LIMA1: variants seen among roughly 807,000 people sequenced by gnomAD.
LIMA1 encodes LIM domain and actin binding 1, also known as LIM domain and actin-binding protein 1.
In LIMA1, 52 loss-of-function variants were observed where a neutral mutation model predicts 62.6. The observed-to-expected ratio is 0.83, with a 90% confidence interval of 0.67 to 1.05. LIMA1 has a LOEUF of 1.05. LIMA1 is among the 50% of genes least tolerant of loss of function. The pLI is 0.00. For synonymous variants in LIMA1, 302 were observed against 317.8 expected, an observed-to-expected ratio of 0.95 and a Z score of 0.53; for missense variants, 780 against 902.2, an observed-to-expected ratio of 0.86 and a Z score of 1.74.
At chr12:50,255,698 C>T (rs1188716048) in intron 1 of LIMA1, among the ~76,000 whole-genome samples, 1 of 147,602 alleles carries the variant, frequency 6.8e-6, no homozygotes. Flanking sequence ...TGAATGTCAT[C>T]AGGTAAAAGG....
chr12:50,185,372 G>A (rs1371164370), intron 9 of LIMA1: 1 of 456,214 alleles, frequency 2.2e-6, no homozygotes. Context: ...CTGTGAGAAA[G>A]CTGAAAGTTG....
At chr12:50,232,606 T>C (rs1406748890) in intron 2 of LIMA1, among the ~76,000 whole-genome samples, 1 of 152,196 alleles carries the variant, frequency 6.6e-6, no homozygotes, top group Admixed American at 6.5e-5. Flanking sequence ...TGAGTTTAAG[T>C]GATCTGCTGG....
intron 1 of LIMA1, among the ~76,000 whole-genome samples, chr12:50,277,224 T>G (rs535326406): frequency 6.6e-6 from 1 of 152,088 alleles, no homozygotes; most frequent in Non-Finnish European, 1.5e-5. Flanking sequence ...TCTTTTTTTT[T>G]CTTTTCTTCC....
At chr12:50,230,004 A>C (rs1941585977) in intron 3 of LIMA1, 1 of 152,430 alleles carries the variant, frequency 6.6e-6, no homozygotes, top group Non-Finnish European at 1.5e-5. Context: ...GTTCCACAGC[A>C]CTAATCACTA....
intron 1 of LIMA1, among the ~76,000 whole-genome samples, chr12:50,266,908 A>G (rs1396622167): frequency 6.6e-6 from 1 of 150,914 alleles, no homozygotes; most frequent in Non-Finnish European, 1.5e-5. Context: ...CTTTTTTTTT[A>G]TTCTGAGACA....
At chr12:50,193,994 TA>T (rs564174154) in intron 8 of LIMA1, among the ~76,000 whole-genome samples, 8,317 of 48,202 alleles carry the variant, frequency 0.17, 448 homozygotes, top group African/African-American at 0.32. Flanking sequence ...TATATATATA[TA>T]TATTTTTTTT....
intron 2 of LIMA1, among the ~76,000 whole-genome samples, chr12:50,237,662 A>C (rs888442710): frequency 6.6e-6 from 1 of 152,162 alleles, no homozygotes; most frequent in South Asian, 2.1e-4. Flanking sequence ...AAAGTGGTTA[A>C]AATGGTAAAT....
Position 50,177,386 on chromosome 12 carries a change from C to T in LIMA1, c.1958G>A (p.Trp653Ter), listed in dbSNP as rs1334227466. ...CTCTCCTTTAGATTCTTTGTTTTGC[C>T]AGGTTGTTTTTCCCACATTCCCATT... ...KKNGNVGKTT[W>*]QNKESKGETG... is the part of the protein sequence containing the mutation. The change falls in exon 11 of 11, where the codon TGG becomes TAG. Residue 653 changes from tryptophan to a stop codon, truncating the protein, a stop_gained. Coordinates refer to ENST00000341247, the MANE Select transcript of LIMA1 (RefSeq NM_016357.5). LOFTEE classifies it low-confidence loss of function (END_TRUNC). 1.2e-6 allele frequency: 2 copies of T among 1,614,010 alleles called. No homozygotes were observed. The highest frequency in any genetic ancestry group is 2.2e-5 in the East Asian group (1 of 44,892).
intron 1 of LIMA1, among the ~76,000 whole-genome samples, chr12:50,256,636 C>G (rs1252636904): frequency 6.6e-6 from 1 of 151,936 alleles, no homozygotes; most frequent in Non-Finnish European, 1.5e-5. Flanking sequence ...TTCATGACCT[C>G]GATATTGTTG....
At chr12:50,250,735 T>C (rs958977009) in intron 1 of LIMA1, among the ~76,000 whole-genome samples, 1 of 152,176 alleles carries the variant, frequency 6.6e-6, no homozygotes, top group African/African-American at 2.4e-5. Context: ...TTGGAAGGCA[T>C]AGTATGCCCT....
chr12:50,228,714 A>G (rs1248845120), intron 3 of LIMA1, among the ~76,000 whole-genome samples: 1 of 152,194 alleles, frequency 6.6e-6, no homozygotes, highest in Non-Finnish European at 1.5e-5. Flanking sequence ...CCAAGTTCCT[A>G]CTGACATTTC....
intron 3 of LIMA1, among the ~76,000 whole-genome samples, chr12:50,230,722 G>T (rs1223997273): frequency 6.6e-6 from 1 of 151,776 alleles, no homozygotes; most frequent in Non-Finnish European, 1.5e-5. Context: ...GACTACAGGC[G>T]CCCGCCACCA....
At chr12:50,237,519 C>G (rs2138606822) in intron 2 of LIMA1, among the ~76,000 whole-genome samples, 1 of 152,206 alleles carries the variant, frequency 6.6e-6, no homozygotes, top group South Asian at 2.1e-4. Context: ...TGCCTGTAGT[C>G]CCAGCAACTC....
intron 1 of LIMA1, among the ~76,000 whole-genome samples, chr12:50,273,314 G>A (rs1011679246): frequency 6.6e-6 from 1 of 152,102 alleles, no homozygotes; most frequent in African/African-American, 2.4e-5. Context: ...GCTTCTAAAA[G>A]CTACATTTAA....
intron 4 of LIMA1, among the ~76,000 whole-genome samples, chr12:50,218,031 A>G (rs1941377328): frequency 6.7e-6 from 1 of 150,126 alleles, no homozygotes; most frequent in Non-Finnish European, 1.5e-5. Context: ...CAGCCTCCCG[A>G]GTAGCTGGGA....
chr12:50,279,155 G>A (rs1338331689), intron 1 of LIMA1, among the ~76,000 whole-genome samples: 4 of 151,094 alleles, frequency 2.6e-5, no homozygotes, highest in Non-Finnish European at 5.9e-5. Flanking sequence ...ACAGGCATGC[G>A]CCACCATGCC....
At chr12:50,193,402 A>G (rs1235541543) in intron 8 of LIMA1, among the ~76,000 whole-genome samples, 1 of 149,646 alleles carries the variant, frequency 6.7e-6, no homozygotes, top group Non-Finnish European at 1.5e-5. Flanking sequence ...TGTCCAGTAA[A>G]CTAGCCTGGG....
chr12:50,269,921 AT>A (rs1303504943), intron 1 of LIMA1, among the ~76,000 whole-genome samples: 1,766 of 130,024 alleles, frequency 0.014, 92 homozygotes, highest in African/African-American at 0.039. Context: ...ACTCCGTCAA[AT>A]AAAAAAAAAA....
At chr12:50,204,170 A>G (rs1941108152) in intron 6 of LIMA1, among the ~76,000 whole-genome samples, 1 of 152,136 alleles carries the variant, frequency 6.6e-6, no homozygotes, top group Admixed American at 6.6e-5. Flanking sequence ...CTTCCCTCAA[A>G]AGCCAAAATA....
Sources: gnomAD v4.1 joint callset for allele counts (sites outside exome capture counted in the v4.1 genomes callset) on GRCh38, gnomAD v4.1.1 for gene constraint, MANE v1.5 for transcripts, NCBI Gene and HGNC (gene_info 2026-07-23, HGNC 2026-07-21) for gene names.